The following SMYD3 variants were observed in gnomAD, a reference collection of about 807,000 sequenced individuals.
SMYD3 encodes the protein SET and MYND domain containing 3, also known as histone-lysine N-methyltransferase SMYD3.
Under a neutral mutation model 57.7 loss-of-function variants are expected in SMYD3, and 36 were observed. That is an observed-to-expected ratio of 0.62 (90% CI 0.48 to 0.82). The LOEUF (loss-of-function observed/expected upper bound fraction) is 0.82, where lower values mean the gene tolerates loss of function less well. Ranked by LOEUF, SMYD3 falls within the 40% of genes least tolerant of loss-of-function variation. SMYD3 has a pLI of 0.00. For missense variants in SMYD3, 515 were observed against 538.8 expected, an observed-to-expected ratio of 0.96 and a Z score of 0.44; for synonymous variants, 211 against 195.0, an observed-to-expected ratio of 1.08 and a Z score of -0.68.
chr1:245,871,587 C>T (rs745900216), intron 8 of SMYD3, among the ~76,000 whole-genome samples: 4 of 152,208 alleles, frequency 2.6e-5, no homozygotes, highest in Non-Finnish European at 4.4e-5. Flanking sequence ...CAAATGTACA[C>T]AACGATTAAC....
chr1:246,078,521 C>A (rs899327161), intron 5 of SMYD3, among the ~76,000 whole-genome samples: 1 of 152,162 alleles, frequency 6.6e-6, no homozygotes, highest in Non-Finnish European at 1.5e-5. Context: ...TCTCCTCCTG[C>A]GAGGATGTGA....
intron 1 of SMYD3, among the ~76,000 whole-genome samples, chr1:246,386,540 C>T (rs1256773263): frequency 6.6e-6 from 1 of 151,988 alleles, no homozygotes; most frequent in Non-Finnish European, 1.5e-5. Flanking sequence ...CCTGTAATCC[C>T]AGCACTTTTG....
chr1:246,049,826 C>A (rs904081126), intron 5 of SMYD3, among the ~76,000 whole-genome samples: 1 of 152,124 alleles, frequency 6.6e-6, no homozygotes, highest in African/African-American at 2.4e-5. Flanking sequence ...GGCTCACAAA[C>A]CCTCGGAAGG....
intron 1 of SMYD3, among the ~76,000 whole-genome samples, chr1:246,387,757 A>C (rs991030845): frequency 6.6e-6 from 1 of 152,248 alleles, no homozygotes; most frequent in Non-Finnish European, 1.5e-5. Context: ...ATATAAAACA[A>C]CTATAAAATT....
intron 5 of SMYD3, among the ~76,000 whole-genome samples, chr1:245,992,588 C>T (rs76192212): frequency 0.08 from 8,302 of 103,314 alleles, 605 homozygotes; most frequent in South Asian, 0.19. Context: ...TCTAGAATGG[C>T]GGTCATGGGG....
chr1:246,195,113 T>A (rs763339993), intron 5 of SMYD3, among the ~76,000 whole-genome samples: 4 of 152,184 alleles, frequency 2.6e-5, no homozygotes, highest in Non-Finnish European at 5.9e-5. Context: ...TTTGCACATA[T>A]GACATAATAC....
intron 5 of SMYD3, among the ~76,000 whole-genome samples, chr1:246,015,626 T>G (rs1215119953): frequency 6.6e-6 from 1 of 152,154 alleles, no homozygotes; most frequent in Non-Finnish European, 1.5e-5. Flanking sequence ...CAGATCCTGG[T>G]ACCCGCCATT....
At chr1:246,090,877 T>C (rs1474235284) in intron 5 of SMYD3, among the ~76,000 whole-genome samples, 1 of 152,120 alleles carries the variant, frequency 6.6e-6, no homozygotes, top group Non-Finnish European at 1.5e-5. Context: ...GTTCATGTCC[T>C]AAATTTTGCT....
chr1:245,835,523 T>G (rs2148399858), intron 10 of SMYD3, among the ~76,000 whole-genome samples: 1 of 152,274 alleles, frequency 6.6e-6, no homozygotes, highest in Admixed American at 6.5e-5. Flanking sequence ...AATGAGACAA[T>G]CTGCTGAAAT....
At chr1:246,158,810 G>A (rs766442534) in intron 5 of SMYD3, among the ~76,000 whole-genome samples, 4 of 151,974 alleles carry the variant, frequency 2.6e-5, no homozygotes, top group African/African-American at 7.3e-5. Flanking sequence ...TAGATAACAC[G>A]TTTTGTATGC....
At chr1:246,313,682 C>T (rs1018562733) in intron 5 of SMYD3, among the ~76,000 whole-genome samples, 2 of 152,078 alleles carry the variant, frequency 1.3e-5, no homozygotes, top group African/African-American at 2.4e-5. Flanking sequence ...TATTCAAAAA[C>T]AACATTTTAA....
intron 10 of SMYD3, among the ~76,000 whole-genome samples, chr1:245,817,204 AC>A (rs1483258814): frequency 1.4e-5 from 2 of 147,100 alleles, no homozygotes; most frequent in Non-Finnish European, 3.0e-5. Context: ...AGATCTGAGA[AC>A]GGGCAGACTG....
At chr1:246,359,715 G>A (rs1323715051) in intron 1 of SMYD3, among the ~76,000 whole-genome samples, 1 of 152,136 alleles carries the variant, frequency 6.6e-6, no homozygotes, top group Non-Finnish European at 1.5e-5. Flanking sequence ...AGAATCACAT[G>A]ATCATCTCAA....
At chr1:246,494,958 T>C (rs2068333398) in intron 1 of SMYD3, among the ~76,000 whole-genome samples, 1 of 152,148 alleles carries the variant, frequency 6.6e-6, no homozygotes, top group Non-Finnish European at 1.5e-5. Context: ...AGCCCTTGGA[T>C]ATAAAGGCAC....
In SMYD3 at chr1:245,749,490, AAGCATAG is replaced by A; in HGVS notation, c.*66_*72del. On this transcript the variant is annotated 3_prime_UTR_variant, in exon 12 of 12. Transcript: ENST00000490107. Reference sequence around the variant, plus strand: ...ATAGGAGAGGTTCACACAGCTAACAAAGCATAGAGTGTGTGACCTCAATAAGGCATTC... The same window carrying A: ...ATAGGAGAGGTTCACACAGCTAACAAAGTGTGTGACCTCAATAAGGCATTC... The A allele has an allele frequency of 8.6e-7, 1 of 1,162,778 alleles. No individual in the cohort carries two copies. The highest frequency in any genetic ancestry group is 1.3e-5 in the South Asian group (1 of 78,568). The allele number at this position is 1,162,778 out of a possible 1,614,324, so 72.0% of individuals were successfully genotyped here.
chr1:246,152,181 C>T (rs993976776), intron 5 of SMYD3, among the ~76,000 whole-genome samples: 7 of 152,180 alleles, frequency 4.6e-5, no homozygotes, highest in African/African-American at 1.4e-4. Flanking sequence ...ATAAGAGAGG[C>T]TCCCGGCAGG....
intron 8 of SMYD3, among the ~76,000 whole-genome samples, chr1:245,898,951 T>G (rs961438528): frequency 6.6e-6 from 1 of 152,198 alleles, no homozygotes; most frequent in African/African-American, 2.4e-5. Flanking sequence ...TTTATTTTTT[T>G]CCAGAAATTA....
At chr1:245,843,521 C>T (rs9726388) in intron 10 of SMYD3, among the ~76,000 whole-genome samples, 52,103 of 150,048 alleles carry the variant, frequency 0.35, 11,057 homozygotes, top group African/African-American at 0.58. Flanking sequence ...GTTTCATATA[C>T]ATGAATGTGT....
rs773077071 is a variant in SMYD3 at position 246,327,338 on chromosome 1, C to CT, written c.395-2dup. Reference sequence around the variant, plus strand: ...TTATCTTCAGTCAGTTTGTTAATATCTTTTTTAAAGAGAAAATAAATAGCA... The same window carrying CT: ...TTATCTTCAGTCAGTTTGTTAATATCTTTTTTTAAAGAGAAAATAAATAGCA... On this transcript the variant is annotated splice_acceptor_variant, in intron 4 of 11. Coordinates refer to ENST00000490107, the MANE Select transcript of SMYD3 (RefSeq NM_001167740.2). LOFTEE classifies it high-confidence loss of function. The CT allele has an allele frequency of 6.2e-7, 1 of 1,607,658 alleles. No individual in the cohort carries two copies. The highest frequency in any genetic ancestry group is 1.7e-5 in the Admixed American group (1 of 58,098).
Sources: gnomAD v4.1 joint callset for allele counts (sites outside exome capture counted in the v4.1 genomes callset) on GRCh38, gnomAD v4.1.1 for gene constraint, MANE v1.5 for transcripts, NCBI Gene and HGNC (gene_info 2026-07-23, HGNC 2026-07-21) for gene names.